Variants in POP1 observed in about 807,000 individuals in gnomAD.
POP1 encodes the protein ribonucleases P/MRP protein subunit POP1.
Under a neutral mutation model 102.2 loss-of-function variants are expected in POP1, and 75 were observed. The observed-to-expected ratio is 0.73, with a 90% CI of 0.61 to 0.89. POP1 has a LOEUF of 0.89. Ranked by LOEUF, POP1 falls within the 40% of genes least tolerant of loss-of-function variation. POP1 has a pLI of 0.00. For synonymous variants in POP1, 436 were observed against 464.1 expected, an observed-to-expected ratio of 0.94 and a Z score of 0.78; for missense variants, 1,116 against 1,267.4, an observed-to-expected ratio of 0.88 and a Z score of 1.81.
chr8:98,156,072 A>G lies in POP1; in HGVS notation c.2080A>G (p.Asn694Asp). 1 of 1,613,814 alleles carries G rather than the reference A, an allele frequency of 6.2e-7. No individual in the cohort carries two copies. Among genetic ancestry groups the G allele is most frequent in the Non-Finnish European group, 8.5e-7 (1 of 1,180,002 alleles). Reference protein sequence around the residue: ...YKRRPPAKRPNYVKLGTLAPF... With the variant: ...YKRRPPAKRPDYVKLGTLAPF... Reference sequence around the variant, plus strand: ...TAGACGCCCTCCTGCAAAACGGCCCAACTACGTTAAGCTTGGCACTCTGGC... The same window carrying G: ...TAGACGCCCTCCTGCAAAACGGCCCGACTACGTTAAGCTTGGCACTCTGGC... The change falls in exon 15 of 16, where the codon AAC becomes GAC. Residue 694 changes from asparagine to aspartate, a missense_variant. Physicochemically the swap from Asn to Asp is conservative, Grantham distance 23. Coordinates refer to ENST00000401707, the MANE Select transcript of POP1 (RefSeq NM_001145860.2).
At chr8:98,155,886 A>C in intron 14 of POP1, 164 bp from the exon 15 acceptor site, 1 of 781,314 alleles carries the variant, frequency 1.3e-6, no homozygotes, top group Non-Finnish European at 2.0e-6. Context: ...ATTATTCTTT[A>C]TCATATGTTT....
At chr8:98,118,391 T>A (rs1175179083) in intron 1 of POP1, among the ~76,000 whole-genome samples, 1 of 152,156 alleles carries the variant, frequency 6.6e-6, no homozygotes, top group Non-Finnish European at 1.5e-5. Flanking sequence ...CACATTTTTT[T>A]CTTTTTCTTC....
At position 98,158,278 on chromosome 8, in the gene POP1, G is replaced by A. The variant is rs770210986; in HGVS notation, c.*7G>A. The A allele has an allele frequency of 3.7e-6, 6 of 1,606,762 alleles. No individual in the cohort carries two copies. The African/African-American group carries it at 8.0e-5, about 21-fold the overall frequency. ...GATTGCTATTGAGGTGTGAATGCGT[G>A]CTTGTATCCCAGCAGGGCATAGATA... is the stretch of plus-strand genomic sequence containing the variant. On this transcript the variant is annotated 3_prime_UTR_variant, in exon 16 of 16. Transcript: ENST00000401707.
intron 13 of POP1, among the ~76,000 whole-genome samples, chr8:98,150,241 G>A (rs1586249189): frequency 6.6e-6 from 1 of 152,144 alleles, no homozygotes; most frequent in Admixed American, 6.5e-5. Context: ...ATACCTTACT[G>A]TATATATGAT....
intron 14 of POP1, among the ~76,000 whole-genome samples, chr8:98,151,068 C>G (rs1423918898): frequency 6.6e-6 from 1 of 152,042 alleles, no homozygotes; most frequent in African/African-American, 2.4e-5. Context: ...TCCTGCCACC[C>G]AGAGAGATAA....
intron 5 of POP1, among the ~76,000 whole-genome samples, chr8:98,131,538 A>G (rs959024474): frequency 3.9e-4 from 59 of 152,180 alleles, no homozygotes; most frequent in Non-Finnish European, 3.4e-4. Context: ...CCTTTTGGCT[A>G]TTGTAAATAA....
Position 98,148,893 on chromosome 8 carries a change from A to G in POP1, c.1789A>G (p.Ile597Val). Residue 597 changes from isoleucine (I) to valine (V), a missense_variant, in exon 13 of 16, where the codon ATA (isoleucine) becomes GTA (valine). Coordinates refer to ENST00000401707, the MANE Select transcript of POP1 (RefSeq NM_001145860.2). ...ILGPHESKIP[I>V]LLIQQPGKVT... Reference sequence around the variant, plus strand: ...AGGTCCCCATGAATCCAAGATACCTATACTTTTGATTCAGCAGCCAGGAAA... The same window carrying G: ...AGGTCCCCATGAATCCAAGATACCTGTACTTTTGATTCAGCAGCCAGGAAA... 6.2e-7 allele frequency: 1 copy of G among 1,613,916 alleles called. No homozygotes were observed. Among genetic ancestry groups the G allele is most frequent in the South Asian group, 1.1e-5 (1 of 91,020 alleles).
At chr8:98,147,467 A>G (rs912312418) in intron 12 of POP1, among the ~76,000 whole-genome samples, 3 of 152,270 alleles carry the variant, frequency 2.0e-5, no homozygotes. Context: ...ATGGGGCTAC[A>G]GCATGAAAGA....
chr8:98,156,425 G>T lies in POP1; in HGVS notation c.2420+13G>T. 1 of 1,613,224 alleles carries T rather than the reference G, an allele frequency of 6.2e-7. No homozygotes were observed. Among genetic ancestry groups the T allele is most frequent in the South Asian group, 1.1e-5 (1 of 90,994 alleles). On this transcript the variant is annotated intron_variant, in intron 15 of 15. Coordinates refer to ENST00000401707, the MANE Select transcript of POP1 (RefSeq NM_001145860.2). ...TCTGCGTTCTCAGGTAAGTGTCGGT[G>T]ACTTCTGGGTACATTTTGGATTATT...
chr8:98,144,030 C>A (rs975767724), intron 11 of POP1, among the ~76,000 whole-genome samples: 1 of 151,596 alleles, frequency 6.6e-6, no homozygotes. Flanking sequence ...GTGGTGGGTG[C>A]CTATAATCCC....
At position 98,136,611 on chromosome 8, in the gene POP1, G is replaced by T. The variant is rs1266821629; in HGVS notation, c.1141G>T (p.Gly381Cys). The T allele has an allele frequency of 6.2e-7, 1 of 1,613,842 alleles. No individual in the cohort carries two copies. The highest frequency in any genetic ancestry group is 8.5e-7 in the Non-Finnish European group (1 of 1,180,000). ...SQTELPDEKI[G>C]KKRKRKDDGE... ...AACTGAATTGCCTGACGAGAAAATT[G>T]GCAAGAAAAGAAAAAGGAAAGATGA... The change falls in exon 8 of 16, where the codon GGC (glycine) becomes TGC (cysteine). Residue 381 changes from glycine to cysteine, a missense_variant. Gly to Cys is a radical substitution (Grantham distance 159). Transcript: ENST00000401707.
chr8:98,142,322 G>C (rs968640905), intron 11 of POP1, among the ~76,000 whole-genome samples: 3 of 152,166 alleles, frequency 2.0e-5, no homozygotes, highest in African/African-American at 7.2e-5. Flanking sequence ...CTCCCAAAGT[G>C]CTGGGATTAC....
At chr8:98,127,792 T>G in intron 3 of POP1, 30 bp downstream of exon 3, 1 of 1,610,412 alleles carries the variant, frequency 6.2e-7, no homozygotes, top group South Asian at 1.1e-5. Context: ...TGCAGTTTGC[T>G]TGTATTTTGA....
In POP1 at chr8:98,158,020, G is replaced by A. The variant is rs762543358; in HGVS notation, c.2824G>A (p.Ala942Thr). Residue 942 changes from alanine (A) to threonine (T), a missense_variant, in exon 16 of 16, where the codon GCT (alanine) becomes ACT (threonine). Transcript: ENST00000401707. Reference protein sequence around the residue: ...AGEEPVAGQEALTLGLWSGPL... With the variant: ...AGEEPVAGQETLTLGLWSGPL... ...GGAAGAGCCCGTGGCTGGGCAGGAA[G>A]CTCTGACTCTAGGGCTGTGGTCAGG... 1.7e-5 allele frequency: 28 copies of A among 1,611,678 alleles called. No homozygotes were observed. The highest frequency in any genetic ancestry group is 2.4e-5 in the Non-Finnish European group (28 of 1,180,030).
chr8:98,150,364 G>A lies in POP1; in HGVS notation c.1903-121G>A, dbSNP rs1446497259. On this transcript the variant is annotated intron_variant, in intron 13 of 15. Coordinates refer to ENST00000401707, the MANE Select transcript of POP1 (RefSeq NM_001145860.2). ...ACTATTGCATGGTAATCCATTGTGT[G>A]TATTTCTATCCATTCTCCTTTTGAG... 5 of 1,035,816 alleles carry A rather than the reference G, an allele frequency of 4.8e-6. No homozygotes were observed. The African/African-American group carries it at 6.3e-5, about 13-fold the overall frequency. The allele number at this position is 1,035,816 out of a possible 1,614,324, so 64.2% of individuals were successfully genotyped here.
At chr8:98,137,990 A>G (rs1437813725) in intron 9 of POP1, among the ~76,000 whole-genome samples, 2 of 152,216 alleles carry the variant, frequency 1.3e-5, no homozygotes, top group Non-Finnish European at 2.9e-5. Flanking sequence ...CTGAGTTTTT[A>G]GAAGAAAGAT....
In POP1 at chr8:98,159,402, G is replaced by T. The variant is rs1383858902; in HGVS notation, c.*1131G>T. 6.6e-6 allele frequency: 1 copy of T among 152,174 alleles called. No individual in the cohort carries two copies. The highest frequency in any genetic ancestry group is 1.5e-5 in the Non-Finnish European group (1 of 68,038). The allele number at this position is 152,174 out of a possible 1,614,324, so 9.4% of individuals were successfully genotyped here. ...GGGTATAAAAGGAAGGTCTCATCTT[G>T]CCTCACAGGAAGAGTGGGCTCAGTG... On this transcript the variant is annotated 3_prime_UTR_variant, in exon 16 of 16. Transcript: ENST00000401707.
At chr8:98,146,240 G>A (rs1043470914) in intron 11 of POP1, among the ~76,000 whole-genome samples, 3 of 152,134 alleles carry the variant, frequency 2.0e-5, no homozygotes, top group Non-Finnish European at 4.4e-5. Context: ...TTAATGTGCC[G>A]TATTATTTGC....
At chr8:98,140,223 G>A (rs1459247371) in intron 10 of POP1, 34 bp downstream of exon 10, 1 of 1,587,478 alleles carries the variant, frequency 6.3e-7, no homozygotes, top group Admixed American at 1.7e-5. Context: ...GTGTTGGGGA[G>A]GGAAGGGGGC....
Sources: gnomAD v4.1 joint callset for allele counts (sites outside exome capture counted in the v4.1 genomes callset) on GRCh38, gnomAD v4.1.1 for gene constraint, MANE v1.5 for transcripts, NCBI Gene and HGNC (gene_info 2026-07-23, HGNC 2026-07-21) for gene names.